Variants in PDILT observed in about 807,000 individuals in gnomAD.
The protein encoded by PDILT is protein disulfide-isomerase-like protein of the testis.
In PDILT, 43 loss-of-function variants were observed where a neutral mutation model predicts 53.7. The observed-to-expected ratio is 0.80, with a 90% CI of 0.63 to 1.03. The LOEUF (loss-of-function observed/expected upper bound fraction) is 1.03, where lower values mean the gene tolerates loss of function less well. Among genes scored for constraint, PDILT ranks in the 50% least tolerant of loss-of-function variants. The pLI, the probability that PDILT is intolerant of heterozygous loss-of-function variation, is 0.00. For missense variants in PDILT, 727 were observed against 712.3 expected (o/e 1.02, Z -0.24); for synonymous variants, 282 against 274.2 (o/e 1.03, Z -0.28).
chr16:20,362,348 T>G, intron 10 of PDILT, 56 bp downstream of exon 10: 1 of 1,574,020 alleles, frequency 6.4e-7, no homozygotes, highest in Non-Finnish European at 8.7e-7. Context: ...AGAAACTGAG[T>G]CCCTGATAAT....
intron 3 of PDILT, among the ~76,000 whole-genome samples, chr16:20,377,358 G>A (rs995969858): frequency 7.2e-5 from 11 of 152,126 alleles, no homozygotes; most frequent in Admixed American, 1.3e-4. Context: ...ATTCATTTAC[G>A]CACTCATTTA....
intron 7 of PDILT, among the ~76,000 whole-genome samples, chr16:20,370,694 CTT>C (rs1966293128): frequency 6.6e-6 from 1 of 152,148 alleles, no homozygotes; most frequent in Non-Finnish European, 1.5e-5. Flanking sequence ...TTTAGGTATT[CTT>C]AGTCACAGAA....
At chr16:20,363,534 A>G (rs548000322) in intron 9 of PDILT, among the ~76,000 whole-genome samples, 1 of 151,934 alleles carries the variant, frequency 6.6e-6, no homozygotes, top group East Asian at 1.9e-4. Context: ...GGTTTTCACA[A>G]TAGAGGTTTG....
At chr16:20,384,609 G>A in intron 3 of PDILT, 36 bp downstream of exon 3, 1 of 1,611,932 alleles carries the variant, frequency 6.2e-7, no homozygotes, top group South Asian at 1.1e-5. Flanking sequence ...GACTTTCCAT[G>A]AGCATGAAAC....
At chr16:20,400,104 CA>C (rs11343461) in intron 1 of PDILT, among the ~76,000 whole-genome samples, 1,591 of 150,746 alleles carry the variant, frequency 0.011, 25 homozygotes, top group African/African-American at 0.037. Context: ...TCTTGTCACC[CA>C]GGCTGGGGTG....
intron 1 of PDILT, among the ~76,000 whole-genome samples, 198 bp from the exon 2 acceptor site, chr16:20,399,505 T>C (rs1966704059): frequency 6.6e-6 from 1 of 152,126 alleles, no homozygotes; most frequent in Non-Finnish European, 1.5e-5. Flanking sequence ...CAGTAGTGAC[T>C]GTATGGGGAA....
rs373943417 is a variant in PDILT at position 20,369,662 on chromosome 16, C to A, written c.946G>T (p.Glu316Ter). 1 of 1,614,142 alleles carries A rather than the reference C, an allele frequency of 6.2e-7. No individual in the cohort carries two copies. The highest frequency in any genetic ancestry group is 1.7e-5 in the Admixed American group (1 of 60,012). Reference protein sequence around the residue: ...KILFILVDADEPRNGRVFKYF... With the variant: ...KILFILVDAD ...TTGAAGACACGTCCATTTCTGGGTT[C>A]GTCTGCATCCACAAGGATGAAAAGG... The change falls in exon 8 of 12, where the codon GAA (glutamate) becomes TAA (stop). Residue 316 changes from glutamate to a stop codon, truncating the protein, a stop_gained. Coordinates refer to ENST00000302451, the MANE Select transcript of PDILT (RefSeq NM_174924.2). LOFTEE classifies it high-confidence loss of function.
chr16:20,379,463 G>A (rs975730020), intron 3 of PDILT, among the ~76,000 whole-genome samples: 1 of 151,998 alleles, frequency 6.6e-6, no homozygotes, highest in Non-Finnish European at 1.5e-5. Flanking sequence ...ACCACGCCCA[G>A]CCCACACCTG....
At chr16:20,364,783 T>C (rs538145906) in intron 9 of PDILT, among the ~76,000 whole-genome samples, 5 of 152,208 alleles carry the variant, frequency 3.3e-5, no homozygotes, top group Non-Finnish European at 7.3e-5. Context: ...CAGTAGCAAT[T>C]GTCACTTATC....
intron 2 of PDILT, among the ~76,000 whole-genome samples, chr16:20,396,278 C>T (rs1018603661): frequency 6.6e-6 from 1 of 152,180 alleles, no homozygotes; most frequent in African/African-American, 2.4e-5. Context: ...CTCGGCTTTA[C>T]ACTCAGTCTT....
chr16:20,388,462 C>A (rs1469729645), intron 2 of PDILT, among the ~76,000 whole-genome samples: 1 of 152,132 alleles, frequency 6.6e-6, no homozygotes, highest in African/African-American at 2.4e-5. Flanking sequence ...AATTGGCCAG[C>A]TGGTCTGAAA....
chr16:20,403,391 G>T (rs578083069), intron 1 of PDILT, among the ~76,000 whole-genome samples: 2 of 152,138 alleles, frequency 1.3e-5, no homozygotes. Context: ...CTGGGTTTAA[G>T]CGATTCTCCT....
intron 3 of PDILT, among the ~76,000 whole-genome samples, chr16:20,381,960 G>A (rs983590030): frequency 2.0e-5 from 3 of 152,288 alleles, no homozygotes; most frequent in Admixed American, 6.5e-5. Context: ...GTGCAGTGGT[G>A]CAATCATGGC....
At chr16:20,375,980 A>T in intron 4 of PDILT, 88 bp downstream of exon 4, 1 of 1,523,816 alleles carries the variant, frequency 6.6e-7, no homozygotes. Flanking sequence ...TGGGCAATCA[A>T]AACGGAAGAG....
intron 3 of PDILT, among the ~76,000 whole-genome samples, chr16:20,383,491 A>C (rs1966489890): frequency 6.9e-6 from 1 of 144,318 alleles, no homozygotes; most frequent in Non-Finnish European, 1.5e-5. Context: ...CCCTCCCACA[A>C]GCCTGCTGGG....
intron 3 of PDILT, among the ~76,000 whole-genome samples, chr16:20,379,388 G>T (rs1244386018): frequency 6.6e-6 from 1 of 151,966 alleles, no homozygotes; most frequent in Non-Finnish European, 1.5e-5. Context: ...GGCCAGGCTG[G>T]TCTCGAACTC....
intron 8 of PDILT, among the ~76,000 whole-genome samples, chr16:20,368,609 T>G (rs370661804): frequency 9.1e-6 from 1 of 109,934 alleles, no homozygotes; most frequent in Non-Finnish European, 2.3e-5. Flanking sequence ...TTTGGGGGGG[T>G]GGTGCTGGAC....
intron 1 of PDILT, 129 bp from the exon 2 acceptor site, chr16:20,399,436 T>A (rs1966703307): frequency 1.1e-6 from 1 of 948,440 alleles, no homozygotes; most frequent in Non-Finnish European, 1.6e-6. Context: ...CTCCCAGCAA[T>A]GCCTGCAGCT....
rs1166939277 is a variant in PDILT at position 20,393,268 on chromosome 16, C to G, written c.202+5831G>C. ...GGAGTCTTTCAGCAAAGTGGAAATG[C>G]CTGCCGTGCTCACAGGCTCATGTAA... On this transcript the variant is annotated intron_variant, in intron 2 of 11. Coordinates refer to ENST00000302451, the MANE Select transcript of PDILT (RefSeq NM_174924.2). Among the ~76,000 whole-genome samples, 3 of 152,256 alleles carry G rather than the reference C, an allele frequency of 2.0e-5. No homozygotes were observed. In the East Asian group the frequency reaches 5.8e-4, roughly 29 times the overall value.
Sources: gnomAD v4.1 joint callset for allele counts (sites outside exome capture counted in the v4.1 genomes callset) on GRCh38, gnomAD v4.1.1 for gene constraint, MANE v1.5 for transcripts, NCBI Gene and HGNC (gene_info 2026-07-23, HGNC 2026-07-21) for gene names.